The following SMC1B variants were observed in gnomAD, a reference collection of about 807,000 sequenced individuals.
SMC1B encodes structural maintenance of chromosomes protein 1B.
In SMC1B, 60 loss-of-function variants were observed where a neutral mutation model predicts 157.9. The ratio of observed to expected loss-of-function variants is 0.38; its 90% CI spans 0.31 to 0.47. The LOEUF (loss-of-function observed/expected upper bound fraction) is 0.47, where lower values mean the gene tolerates loss of function less well. SMC1B is among the 20% of genes least tolerant of loss of function. The probability of loss-of-function intolerance (pLI) is 0.99; values close to 1 mark genes in which losing one functional copy is unlikely to be tolerated. For synonymous variants in SMC1B, 445 were observed against 483.0 expected (o/e 0.92, Z 1.03); for missense variants, 1,165 against 1,426.2 (o/e 0.82, Z 2.95).
At chr22:45,393,494 A>G (rs1434721216) in intron 9 of SMC1B, 140 bp downstream of exon 9, 2 of 655,864 alleles carry the variant, frequency 3.0e-6, no homozygotes, top group African/African-American at 3.6e-5. Flanking sequence ...TAAAGAGTCA[A>G]ACACAAAACT....
At chr22:45,358,867 C>A (rs776161606) in intron 18 of SMC1B, 72 bp from the exon 19 acceptor site, 5 of 945,206 alleles carry the variant, frequency 5.3e-6, no homozygotes, top group Non-Finnish European at 8.4e-6. Flanking sequence ...TCATGGCACT[C>A]CAAAAACAAT....
chr22:45,403,159 A>G (rs1332810119), intron 4 of SMC1B, among the ~76,000 whole-genome samples: 1 of 152,218 alleles, frequency 6.6e-6, no homozygotes, highest in Non-Finnish European at 1.5e-5. Flanking sequence ...GATGTTGTAA[A>G]AAACAATTAG....
At chr22:45,345,990 G>GGTC (rs1332513538) in intron 23 of SMC1B, among the ~76,000 whole-genome samples, 1 of 151,352 alleles carries the variant, frequency 6.6e-6, no homozygotes, top group Non-Finnish European at 1.5e-5. Flanking sequence ...GATCACCAGA[G>GGTC]GTCAGGAGTT....
At chr22:45,401,884 A>G (rs1465448738) in intron 5 of SMC1B, among the ~76,000 whole-genome samples, 2 of 146,136 alleles carry the variant, frequency 1.4e-5, no homozygotes, top group East Asian at 3.9e-4. Context: ...ACCATTCTAC[A>G]CCACCTTTTT....
intron 18 of SMC1B, 110 bp downstream of exon 18, chr22:45,359,695 A>C: frequency 8.4e-7 from 1 of 1,184,504 alleles, no homozygotes; most frequent in Non-Finnish European, 1.2e-6. Context: ...CTCCTATGAG[A>C]TGTCTTCACC....
rs1051515729 is a variant in SMC1B, at chr22:45,359,655, CT to C, written c.2862+149del. The C allele has an allele frequency of 1.6e-4, 114 of 712,606 alleles. No homozygotes were observed. The African/African-American group carries it at 1.9e-3, about 12-fold the overall frequency. The allele number at this position is 712,606 out of a possible 1,614,324, so 44.1% of individuals were successfully genotyped here. A position where few individuals can be genotyped will look rare whatever the true frequency, so the allele number is the denominator to read the frequency against. ...GGGTTCATCCCGTGGCCCTAGTCCT[CT>C]GAGATGACAGTCATTTTGCCCTTTT... On this transcript the variant is annotated intron_variant, in intron 18 of 24. Transcript: ENST00000357450.
intron 15 of SMC1B, among the ~76,000 whole-genome samples, chr22:45,366,275 C>T (rs1042504843): frequency 6.6e-6 from 1 of 152,154 alleles, no homozygotes; most frequent in African/African-American, 2.4e-5. Context: ...CCGCCTGCCT[C>T]GAGCTCCCAG....
chr22:45,344,664 T>C lies in SMC1B; in HGVS notation c.3607-7A>G, dbSNP rs2086533090. On this transcript the variant is annotated splice_polypyrimidine_tract_variant and splice_region_variant and intron_variant, in intron 24 of 24. Coordinates refer to ENST00000357450, the MANE Select transcript of SMC1B (RefSeq NM_148674.5). Reference sequence around the variant, plus strand: ...TGAACATGCAGTCATCGTACTAAAATGGAGAGAAGACAGTTAAAAGTTCCC... The same window carrying C: ...TGAACATGCAGTCATCGTACTAAAACGGAGAGAAGACAGTTAAAAGTTCCC... 3 of 1,605,216 alleles carry C rather than the reference T, an allele frequency of 1.9e-6. No homozygotes were observed. Among genetic ancestry groups the C allele is most frequent in the East Asian group, 4.5e-5 (2 of 44,832 alleles).
At chr22:45,370,650 G>A (rs1047847747) in intron 14 of SMC1B, among the ~76,000 whole-genome samples, 20 of 152,088 alleles carry the variant, frequency 1.3e-4, no homozygotes, top group Non-Finnish European at 2.6e-4. Flanking sequence ...TATGACTGAC[G>A]CAGTAGTAAG....
intron 23 of SMC1B, among the ~76,000 whole-genome samples, chr22:45,348,718 G>GTTTTTTTTTTTT (rs59086824): frequency 1.4e-5 from 2 of 148,126 alleles, no homozygotes; most frequent in Non-Finnish European, 1.5e-5. Flanking sequence ...CAAAAGGACT[G>GTTTTTTTTTTTT]TTTTTTTTGT....
intron 1 of SMC1B, among the ~76,000 whole-genome samples, chr22:45,411,099 A>G (rs1259841103): frequency 6.6e-6 from 1 of 152,266 alleles, no homozygotes; most frequent in African/African-American, 2.4e-5. Flanking sequence ...CATTTATTCC[A>G]TTAAATTTCA....
chr22:45,387,180 G>A, intron 10 of SMC1B, 134 bp from the exon 11 acceptor site: 1 of 729,292 alleles, frequency 1.4e-6, no homozygotes, highest in Non-Finnish European at 2.1e-6. Flanking sequence ...CAGGCGTGAT[G>A]CTCACGCCTG....
At chr22:45,352,262 C>T (rs2086623016) in intron 22 of SMC1B, among the ~76,000 whole-genome samples, 189 bp downstream of exon 22, 1 of 151,506 alleles carries the variant, frequency 6.6e-6, no homozygotes, top group African/African-American at 2.4e-5. Context: ...AGAATTCTGT[C>T]TTCGATTTGC....
Position 45,372,169 on chromosome 22 carries a change from C to A in SMC1B, c.2182G>T (p.Val728Phe). The A allele has an allele frequency of 6.2e-7, 1 of 1,605,558 alleles. No individual in the cohort carries two copies. Among genetic ancestry groups the A allele is most frequent in the Non-Finnish European group, 8.5e-7 (1 of 1,177,380 alleles). The change falls in exon 13 of 25, where the codon GTT becomes TTT. Residue 728 changes from valine (V) to phenylalanine (F), a missense_variant. Transcript: ENST00000357450. ...ELEMIKKKHL[V>F]AFYQEQSQLQ... The stretch of plus-strand genomic sequence containing the variant: ...GTCTATATTACCTGGTAAAAAGCAA[C>A]AAGGTGCTTCTTCTTAATCATCTCT...
At chr22:45,356,405 A>G (rs753699103) in intron 19 of SMC1B, among the ~76,000 whole-genome samples, 3 of 152,232 alleles carry the variant, frequency 2.0e-5, no homozygotes, top group Non-Finnish European at 2.9e-5. Context: ...CAGCATGTAA[A>G]CCAAAGAGTA....
intron 18 of SMC1B, 145 bp downstream of exon 18, chr22:45,359,660 A>G: frequency 1.4e-6 from 1 of 733,068 alleles, no homozygotes; most frequent in Non-Finnish European, 2.1e-6. Flanking sequence ...GTCCTCTGAG[A>G]TGACAGTCAT....
chr22:45,369,473 C>T (rs1355821047), intron 15 of SMC1B, among the ~76,000 whole-genome samples: 1 of 151,214 alleles, frequency 6.6e-6, no homozygotes, highest in Non-Finnish European at 1.5e-5. Context: ...TATGCTTTCT[C>T]TCTTTAAAAA....
intron 22 of SMC1B, among the ~76,000 whole-genome samples, chr22:45,352,236 C>A (rs1207465842): frequency 3.6e-4 from 53 of 149,088 alleles, no homozygotes; most frequent in South Asian, 2.5e-3. Context: ...AAAAAAAAAA[C>A]CCCACTAAAA....
At chr22:45,397,315 G>A (rs568009353) in intron 6 of SMC1B, among the ~76,000 whole-genome samples, 1 of 152,188 alleles carries the variant, frequency 6.6e-6, no homozygotes, top group African/African-American at 2.4e-5. Flanking sequence ...CCAGGAGTTT[G>A]AGACCAGCCT....
Sources: allele counts gnomAD v4.1 joint callset (sites outside exome capture counted in the v4.1 genomes callset), GRCh38; gene constraint gnomAD v4.1.1; transcripts MANE v1.5; gene names NCBI Gene and HGNC (gene_info 2026-07-23, HGNC 2026-07-21).